NEDD4: variants seen among roughly 807,000 people sequenced by gnomAD.
NEDD4 encodes the protein NEDD4 E3 ubiquitin protein ligase, also known as E3 ubiquitin-protein ligase NEDD4.
In NEDD4, 99 loss-of-function variants were observed where a neutral mutation model predicts 144.9. That is an observed-to-expected ratio of 0.68 (90% CI 0.58 to 0.81). NEDD4 has a LOEUF of 0.81. Among genes scored for constraint, NEDD4 ranks in the 30% least tolerant of loss-of-function variants. The probability of loss-of-function intolerance (pLI) is 0.00; values close to 1 mark genes in which losing one functional copy is unlikely to be tolerated. For synonymous variants in NEDD4, 318 were observed against 350.6 expected, an observed-to-expected ratio of 0.91 and a Z score of 1.04; for missense variants, 985 against 1,065.9, an observed-to-expected ratio of 0.92 and a Z score of 1.06.
chr15:55,830,100 C>G lies in NEDD4; in HGVS notation c.2601-101G>C, dbSNP rs1423109492. Reference sequence around the variant, plus strand: ...GCTATTCTTGATGAGAATGTTCCAACACCACCAAAATATGTCTTTTCACCA... The same window carrying G: ...GCTATTCTTGATGAGAATGTTCCAAGACCACCAAAATATGTCTTTTCACCA... On this transcript the variant is annotated intron_variant, in intron 28 of 28. Coordinates refer to ENST00000435532, the MANE Select transcript of NEDD4 (RefSeq NM_006154.4). 3.7e-6 allele frequency: 3 copies of G among 802,694 alleles called. No homozygotes were observed. In the African/African-American group the frequency reaches 5.2e-5, roughly 14 times the overall value. 49.7% of individuals were successfully genotyped at this position (802,694 alleles called of 1,614,324 possible). A position where few individuals can be genotyped will look rare whatever the true frequency, so the allele number is the denominator to read the frequency against.
chr15:55,951,210 C>T (rs951340483), intron 4 of NEDD4, among the ~76,000 whole-genome samples, 166 bp downstream of exon 4: 5 of 152,114 alleles, frequency 3.3e-5, no homozygotes, highest in African/African-American at 4.8e-5. Flanking sequence ...CATTATCTTA[C>T]ATTTATGTTT....
chr15:55,890,274 T>C (rs942561723), intron 5 of NEDD4, among the ~76,000 whole-genome samples: 3 of 152,040 alleles, frequency 2.0e-5, no homozygotes, highest in Non-Finnish European at 4.4e-5. Flanking sequence ...TTTCACAGAG[T>C]TGTTCAACCA....
chr15:55,933,211 C>A (rs1157368794), intron 4 of NEDD4, among the ~76,000 whole-genome samples: 1 of 151,980 alleles, frequency 6.6e-6, no homozygotes, highest in Non-Finnish European at 1.5e-5. Context: ...AATCATGCTG[C>A]TATAAAGACA....
intron 26 of NEDD4, among the ~76,000 whole-genome samples, chr15:55,833,697 C>T (rs112432297): frequency 4.6e-5 from 7 of 152,228 alleles, no homozygotes; most frequent in African/African-American, 1.7e-4. Flanking sequence ...GAATGGCATA[C>T]ATATTTCTCT....
chr15:55,865,998 C>T (rs12898955), intron 8 of NEDD4, among the ~76,000 whole-genome samples: 1 of 152,190 alleles, frequency 6.6e-6, no homozygotes, highest in African/African-American at 2.4e-5. Flanking sequence ...GTGGTGCCAT[C>T]ACAGCTCACT....
At chr15:55,915,590 C>G in intron 5 of NEDD4, 1 of 1,613,922 alleles carries the variant, frequency 6.2e-7, no homozygotes, top group East Asian at 2.2e-5. Context: ...TATGCATGAG[C>G]TTAATATACT....
chr15:55,985,135 C>A (rs1383941555), intron 1 of NEDD4, among the ~76,000 whole-genome samples: 1 of 152,178 alleles, frequency 6.6e-6, no homozygotes, highest in Non-Finnish European at 1.5e-5. Context: ...CCCTGCTCAC[C>A]CTAAATGATT....
intron 5 of NEDD4, among the ~76,000 whole-genome samples, chr15:55,921,089 T>A (rs4774836): frequency 0.096 from 14,620 of 152,236 alleles, 784 homozygotes; most frequent in Admixed American, 0.14. Flanking sequence ...AATGACATTT[T>A]ATATTTGTAT....
At chr15:55,857,404 C>T (rs2034237823) in intron 11 of NEDD4, among the ~76,000 whole-genome samples, 1 of 152,138 alleles carries the variant, frequency 6.6e-6, no homozygotes, top group Admixed American at 6.5e-5. Flanking sequence ...TCTTGTCTCA[C>T]TGCAACCTCC....
chr15:55,857,542 C>T (rs1595756992), intron 11 of NEDD4, among the ~76,000 whole-genome samples: 1 of 152,036 alleles, frequency 6.6e-6, no homozygotes. Context: ...AGGCTGGTCT[C>T]GAACTCCTAA....
intron 5 of NEDD4, among the ~76,000 whole-genome samples, chr15:55,880,285 C>T: frequency 6.6e-6 from 1 of 151,174 alleles, no homozygotes; most frequent in South Asian, 2.1e-4. Context: ...GAGTGAGACC[C>T]CGTCTCCAAA....
At chr15:55,971,639 G>T (rs79510775) in intron 1 of NEDD4, among the ~76,000 whole-genome samples, 3 of 129,138 alleles carry the variant, frequency 2.3e-5, no homozygotes, top group African/African-American at 9.1e-5. Flanking sequence ...AAAAAAAAAA[G>T]ACTTATTAGC....
At chr15:55,865,197 C>CAAAAAAA (rs34140490) in intron 8 of NEDD4, among the ~76,000 whole-genome samples, 1 of 84,948 alleles carries the variant, frequency 1.2e-5, no homozygotes, top group African/African-American at 4.9e-5. Context: ...GACTCTGTCT[C>CAAAAAAA]AAAAAAAAAA....
chr15:55,983,144 G>A (rs1439785195), intron 1 of NEDD4, among the ~76,000 whole-genome samples: 1 of 151,802 alleles, frequency 6.6e-6, no homozygotes, highest in African/African-American at 2.4e-5. Flanking sequence ...AATTCTAGGT[G>A]ATATATTTTA....
rs1213232118 is a variant in NEDD4, at chr15:55,827,867, TC to T, written c.*2029del. The T allele has an allele frequency of 2.0e-5, 3 of 152,204 alleles. No homozygotes were observed. Among genetic ancestry groups the T allele is most frequent in the African/African-American group, 7.2e-5 (3 of 41,446 alleles). The allele number at this position is 152,204 out of a possible 1,614,324, so 9.4% of individuals were successfully genotyped here. On this transcript the variant is annotated 3_prime_UTR_variant, in exon 29 of 29. Transcript: ENST00000435532. ...ATCTGACGGTCAGCACAAAGCACCT[TC>T]TGATTGTATAACACTTTACAAAGTA...
chr15:55,902,947 A>G (rs62043814), intron 5 of NEDD4, among the ~76,000 whole-genome samples: 21,842 of 152,100 alleles, frequency 0.14, 1,721 homozygotes, highest in East Asian at 0.36. Context: ...GTTGCAGTGA[A>G]CCGAGATCGT....
At chr15:55,970,464 C>T (rs1235653009) in intron 1 of NEDD4, among the ~76,000 whole-genome samples, 1 of 152,170 alleles carries the variant, frequency 6.6e-6, no homozygotes, top group African/African-American at 2.4e-5. Flanking sequence ...TAGGCAAAAT[C>T]CAGTACTGTG....
intron 4 of NEDD4, among the ~76,000 whole-genome samples, chr15:55,925,061 C>A (rs1192350688): frequency 6.6e-6 from 1 of 152,136 alleles, no homozygotes; most frequent in African/African-American, 2.4e-5. Flanking sequence ...TAGAGAGACT[C>A]CATCTCAAGA....
intron 2 of NEDD4, among the ~76,000 whole-genome samples, chr15:55,962,222 G>A (rs553784362): frequency 6.6e-6 from 1 of 152,190 alleles, no homozygotes; most frequent in East Asian, 1.9e-4. Flanking sequence ...TGTTTGCATG[G>A]CATATCTTTT....
Sources: gnomAD v4.1 joint callset for allele counts (sites outside exome capture counted in the v4.1 genomes callset) on GRCh38, gnomAD v4.1.1 for gene constraint, MANE v1.5 for transcripts, NCBI Gene and HGNC (gene_info 2026-07-23, HGNC 2026-07-21) for gene names.